Variants in PCGF5 observed in about 807,000 individuals in gnomAD.
The protein encoded by PCGF5 is polycomb group ring finger 5.
A neutral mutation model predicts 44.3 loss-of-function variants in PCGF5; 9 were observed. The observed-to-expected ratio is 0.20, with a 90% confidence interval of 0.12 to 0.35. The LOEUF (loss-of-function observed/expected upper bound fraction) is 0.35. Among genes scored for constraint, PCGF5 ranks in the 10% least tolerant of loss-of-function variants. PCGF5 has a pLI of 1.00. For synonymous variants in PCGF5, 95 were observed against 102.5 expected (o/e 0.93, Z 0.44); for missense variants, 146 against 305.3 (o/e 0.48, Z 3.89).
intron 6 of PCGF5, among the ~76,000 whole-genome samples, chr10:91,254,334 G>A (rs1845697573): frequency 4.6e-5 from 7 of 151,718 alleles, no homozygotes; most frequent in Admixed American, 4.6e-4. Context: ...TTCCTTTTTG[G>A]CGTGTTCTTT....
At chr10:91,172,508 A>C (rs1276550307) in intron 1 of PCGF5, among the ~76,000 whole-genome samples, 1 of 152,254 alleles carries the variant, frequency 6.6e-6, no homozygotes, top group Non-Finnish European at 1.5e-5. Context: ...CATACTGTGA[A>C]GTAGACCCAT....
intron 2 of PCGF5, among the ~76,000 whole-genome samples, chr10:91,235,268 C>G (rs1369877407): frequency 6.6e-6 from 1 of 152,012 alleles, no homozygotes; most frequent in African/African-American, 2.4e-5. Context: ...ATCATGATGC[C>G]CATTTAAATT....
At chr10:91,169,655 T>C (rs1191099959) in intron 1 of PCGF5, among the ~76,000 whole-genome samples, 2 of 152,246 alleles carry the variant, frequency 1.3e-5, no homozygotes, top group Non-Finnish European at 2.9e-5. Flanking sequence ...AATGGAGATA[T>C]AGTCCATCTT....
At chr10:91,248,955 GA>G (rs1411658572) in intron 5 of PCGF5, among the ~76,000 whole-genome samples, 1 of 152,060 alleles carries the variant, frequency 6.6e-6, no homozygotes, top group East Asian at 1.9e-4. Flanking sequence ...TGGACTTTGG[GA>G]AGAGAAAAGG....
At chr10:91,187,063 C>T (rs1243512693) in intron 1 of PCGF5, among the ~76,000 whole-genome samples, 2 of 152,086 alleles carry the variant, frequency 1.3e-5, no homozygotes, top group African/African-American at 4.8e-5. Flanking sequence ...TTCTGAGTTT[C>T]CCAGGAGATG....
At chr10:91,245,889 A>T (rs192233022) in intron 3 of PCGF5, among the ~76,000 whole-genome samples, 291 of 152,296 alleles carry the variant, frequency 1.9e-3, no homozygotes, top group African/African-American at 6.6e-3. Flanking sequence ...GGATCAGTGC[A>T]CTTGTGAGTG....
At chr10:91,191,909 T>A (rs1036045703) in intron 1 of PCGF5, among the ~76,000 whole-genome samples, 1 of 152,226 alleles carries the variant, frequency 6.6e-6, no homozygotes, top group African/African-American at 2.4e-5. Context: ...AACAGAAATT[T>A]AATTTTCACT....
intron 1 of PCGF5, among the ~76,000 whole-genome samples, chr10:91,173,625 G>A (rs1211828238): frequency 7.3e-6 from 1 of 137,692 alleles, no homozygotes; most frequent in African/African-American, 2.7e-5. Context: ...GTAGCAGGAG[G>A]CAATTATAAG....
At chr10:91,227,563 C>T (rs1844879284) in intron 2 of PCGF5, 4 of 1,183,358 alleles carry the variant, frequency 3.4e-6, no homozygotes, top group Non-Finnish European at 4.3e-6. Context: ...TTACTGTTCT[C>T]ATTCAGATTC....
intron 1 of PCGF5, among the ~76,000 whole-genome samples, chr10:91,167,865 G>A (rs1843526901): frequency 1.3e-5 from 2 of 152,176 alleles, no homozygotes; most frequent in South Asian, 2.1e-4. Flanking sequence ...TAGGGTGGAG[G>A]CAGATGAGTT....
intron 3 of PCGF5, among the ~76,000 whole-genome samples, chr10:91,243,430 T>A (rs922624806): frequency 6.6e-6 from 1 of 152,208 alleles, no homozygotes; most frequent in African/African-American, 2.4e-5. Context: ...AAATTGCCTG[T>A]GACACATGTA....
chr10:91,271,165 T>C (rs1253165015), intron 8 of PCGF5, among the ~76,000 whole-genome samples: 2 of 150,150 alleles, frequency 1.3e-5, no homozygotes, highest in African/African-American at 5.0e-5. Context: ...AAGAACCTAC[T>C]ATAAAACAGA....
In PCGF5 at chr10:91,248,757, C is replaced by A. The variant is rs1321587964; in HGVS notation, c.325+33C>A. Reference sequence around the variant, plus strand: ...TTTCTTATGTCTGTTTCTGACAGCACCTCTTAAACTGGTCAGCTTTTCATA... The same window carrying A: ...TTTCTTATGTCTGTTTCTGACAGCAACTCTTAAACTGGTCAGCTTTTCATA... On this transcript the variant is annotated intron_variant, in intron 5 of 9. Transcript: ENST00000336126. 3 of 1,537,452 alleles carry A rather than the reference C, an allele frequency of 2.0e-6. No homozygotes were observed. In the South Asian group the frequency reaches 3.5e-5, roughly 18 times the overall value.
chr10:91,168,604 GA>G (rs1843542893), intron 1 of PCGF5, among the ~76,000 whole-genome samples: 1 of 152,048 alleles, frequency 6.6e-6, no homozygotes, highest in Admixed American at 6.6e-5. Context: ...GCAATGACTT[GA>G]GGCAAGAAAA....
At chr10:91,195,462 ATAT>A (rs1470215761) in intron 1 of PCGF5, among the ~76,000 whole-genome samples, 135 of 116,946 alleles carry the variant, frequency 1.2e-3, no homozygotes, top group African/African-American at 4.2e-3. Context: ...GCATATATAT[ATAT>A]GCATGCATAT....
At chr10:91,174,297 A>G (rs1396756694) in intron 1 of PCGF5, among the ~76,000 whole-genome samples, 5 of 152,112 alleles carry the variant, frequency 3.3e-5, no homozygotes, top group Admixed American at 3.3e-4. Flanking sequence ...ACTTGAGGCC[A>G]GGAGTTGGAG....
At chr10:91,251,229 G>A in intron 5 of PCGF5, 63 bp from the exon 6 acceptor site, 1 of 1,362,674 alleles carries the variant, frequency 7.3e-7, no homozygotes, top group Non-Finnish European at 1.0e-6. Flanking sequence ...ATCAATGTAT[G>A]ATTGCTTAAC....
chr10:91,237,618 C>G (rs1017220523), intron 2 of PCGF5, among the ~76,000 whole-genome samples: 4 of 152,108 alleles, frequency 2.6e-5, no homozygotes, highest in African/African-American at 9.7e-5. Context: ...GTGATGGGCA[C>G]CTGTAATCCC....
rs745537952 is a variant in PCGF5, at chr10:91,222,839, C to T, written c.-33C>T. 1.5e-6 allele frequency: 2 copies of T among 1,369,800 alleles called. No individual in the cohort carries two copies. The highest frequency in any genetic ancestry group is 1.0e-6 in the Non-Finnish European group (1 of 958,286). The allele number at this position is 1,369,800 out of a possible 1,614,324, so 84.9% of individuals were successfully genotyped here. A position where few individuals can be genotyped will look rare whatever the true frequency, so the allele number is the denominator to read the frequency against. ...CATCTACTTAGGACCCCTCTTTGCC[C>T]AGACTACTAAAGCCAGTCTTCACTA... On this transcript the variant is annotated 5_prime_UTR_variant, in exon 2 of 10. Coordinates refer to ENST00000336126, the MANE Select transcript of PCGF5 (RefSeq NM_032373.5).
Sources: allele counts gnomAD v4.1 joint callset (sites outside exome capture counted in the v4.1 genomes callset), GRCh38; gene constraint gnomAD v4.1.1; transcripts MANE v1.5; gene names NCBI Gene and HGNC (gene_info 2026-07-23, HGNC 2026-07-21).